Variants in SWT1 observed in about 807,000 individuals in gnomAD.
The protein encoded by SWT1 is SWT1 RNA endoribonuclease homolog.
Under a neutral mutation model 107.3 loss-of-function variants are expected in SWT1, and 33 were observed. That is an observed-to-expected ratio of 0.31 (90% CI 0.23 to 0.41). The LOEUF (loss-of-function observed/expected upper bound fraction) is 0.41, where lower values mean the gene tolerates loss of function less well. Among genes scored for constraint, SWT1 ranks in the 10% least tolerant of loss-of-function variants. SWT1 has a pLI of 1.00. For missense variants in SWT1, 898 were observed against 1,028.9 expected (o/e 0.87, Z 1.74); for synonymous variants, 345 against 348.3 (o/e 0.99, Z 0.11).
intron 16 of SWT1, among the ~76,000 whole-genome samples, chr1:185,240,396 T>C (rs1163696562): frequency 2.0e-5 from 3 of 152,056 alleles, no homozygotes; most frequent in Non-Finnish European, 4.4e-5. Context: ...TTATTTTGAC[T>C]CATATTTGGG....
intron 16 of SWT1, among the ~76,000 whole-genome samples, chr1:185,233,999 C>T (rs1053195332): frequency 1.3e-5 from 2 of 152,212 alleles, no homozygotes; most frequent in African/African-American, 4.8e-5. Context: ...CCCCCTCAGC[C>T]TCCCAAAGTG....
At chr1:185,218,254 A>C (rs1467578701) in intron 14 of SWT1, among the ~76,000 whole-genome samples, 1 of 152,158 alleles carries the variant, frequency 6.6e-6, no homozygotes, top group African/African-American at 2.4e-5. Flanking sequence ...AGGAATATTC[A>C]TTATTTGATT....
chr1:185,275,856 T>C (rs185633997), intron 17 of SWT1, among the ~76,000 whole-genome samples: 2 of 152,278 alleles, frequency 1.3e-5, no homozygotes, highest in East Asian at 3.9e-4. Flanking sequence ...AGTAATTAAA[T>C]TAGGGGGTAT....
intron 15 of SWT1, chr1:185,226,893 G>A: frequency 7.2e-7 from 1 of 1,388,080 alleles, no homozygotes; most frequent in Non-Finnish European, 9.9e-7. Flanking sequence ...GGACATTTTG[G>A]GACAGTTCCA....
rs1203763986 is a variant in SWT1, at chr1:185,253,658, A to T, written c.2442-17665A>T. Reference sequence around the variant, plus strand: ...TCCTGAGACTTTGCTGAAGTTGCTTATCCGCTTAAGGAGATTTTCGGCTGA... The same window carrying T: ...TCCTGAGACTTTGCTGAAGTTGCTTTTCCGCTTAAGGAGATTTTCGGCTGA... On this transcript the variant is annotated intron_variant, in intron 16 of 18. Coordinates refer to ENST00000367500, the MANE Select transcript of SWT1 (RefSeq NM_017673.7). Among the ~76,000 whole-genome samples, 4 of 152,086 alleles carry T rather than the reference A, an allele frequency of 2.6e-5. No individual in the cohort carries two copies. The East Asian group carries it at 7.7e-4, about 29-fold the overall frequency.
In SWT1 at chr1:185,204,272, G is replaced by A. The variant is rs574759201; in HGVS notation, c.1670-428G>A. On this transcript the variant is annotated intron_variant, in intron 11 of 18. Coordinates refer to ENST00000367500, the MANE Select transcript of SWT1 (RefSeq NM_017673.7). The stretch of plus-strand genomic sequence containing the variant: ...AGCCTGGGCAACAGAGCGAGACTCC[G>A]TCTCAAAAGAAAAAAAAAAAGAAAA... 4.0e-5 allele frequency among the ~76,000 whole-genome samples: 6 copies of A among 150,630 alleles called. No individual in the cohort carries two copies. In the South Asian group the frequency reaches 8.3e-4, roughly 21 times the overall value.
intron 4 of SWT1, 68 bp from the exon 5 acceptor site, chr1:185,174,304 A>T: frequency 7.9e-7 from 1 of 1,270,664 alleles, no homozygotes; most frequent in South Asian, 2.0e-5. Context: ...TGTTATTCTA[A>T]CTAAAATGAT....
intron 16 of SWT1, among the ~76,000 whole-genome samples, chr1:185,256,667 T>C (rs941551824): frequency 9.2e-4 from 138 of 149,328 alleles, no homozygotes; most frequent in African/African-American, 3.4e-3. Flanking sequence ...TTGGTTATTC[T>C]AGTTATACAT....
At chr1:185,271,016 A>T (rs1245172004) in intron 16 of SWT1, among the ~76,000 whole-genome samples, 3 of 152,214 alleles carry the variant, frequency 2.0e-5, no homozygotes, top group African/African-American at 7.2e-5. Flanking sequence ...CTTTTTGAGA[A>T]ATCTGTATTA....
At position 185,174,381 on chromosome 1, in the gene SWT1, A is replaced by G. The variant is rs1655355593; in HGVS notation, c.234A>G (p.Val78=). The G allele has an allele frequency of 6.5e-7, 1 of 1,545,832 alleles. No individual in the cohort carries two copies. The highest frequency in any genetic ancestry group is 2.2e-5 in the Admixed American group (1 of 44,960). Residue 78 remains valine, a synonymous_variant, in exon 5 of 19, where the codon GTA becomes GTG. Coordinates refer to ENST00000367500, the MANE Select transcript of SWT1 (RefSeq NM_017673.7). The part of the protein sequence containing the change: ...KRRQGLKRLS[V]EIDTLRRRPK... ...CTGTGCTGTTTTACAGATTGAGTGT[A>G]GAAATTGACACTCTCAGAAGGAGAC...
chr1:185,166,478 ATGT>A (rs1654577962), intron 2 of SWT1, 91 bp from the exon 3 acceptor site: 2 of 764,598 alleles, frequency 2.6e-6, no homozygotes, highest in Middle Eastern at 2.5e-4. Context: ...TTGAATGTAA[ATGT>A]TGATTTGTAA....
intron 10 of SWT1, among the ~76,000 whole-genome samples, chr1:185,191,139 C>A (rs1462665278): frequency 6.6e-6 from 1 of 152,064 alleles, no homozygotes; most frequent in Admixed American, 6.6e-5. Flanking sequence ...ATAATAATAT[C>A]ACCTGCCTCA....
intron 16 of SWT1, among the ~76,000 whole-genome samples, chr1:185,259,550 A>T (rs1662878620): frequency 6.6e-6 from 1 of 152,132 alleles, no homozygotes; most frequent in South Asian, 2.1e-4. Context: ...TTTTATGTTG[A>T]GATCAGTAAC....
At chr1:185,215,920 A>G (rs1659182472) in intron 14 of SWT1, among the ~76,000 whole-genome samples, 1 of 152,138 alleles carries the variant, frequency 6.6e-6, no homozygotes, top group South Asian at 2.1e-4. Flanking sequence ...CTATTACTAA[A>G]AGAGATATTA....
chr1:185,253,265 G>T (rs1435161708), intron 16 of SWT1, among the ~76,000 whole-genome samples: 49 of 150,284 alleles, frequency 3.3e-4, no homozygotes, highest in Non-Finnish European at 4.0e-4. Context: ...TGGCAATGCA[G>T]GCTCTTTTTT....
intron 11 of SWT1, 26 bp from the exon 12 acceptor site, chr1:185,204,674 A>G: frequency 7.0e-7 from 1 of 1,420,990 alleles, no homozygotes; most frequent in Non-Finnish European, 9.6e-7. Flanking sequence ...CATTCTAAAT[A>G]AAGTCTGTAA....
intron 10 of SWT1, among the ~76,000 whole-genome samples, chr1:185,201,642 C>CCTG (rs1442537382): frequency 6.6e-6 from 1 of 152,164 alleles, no homozygotes; most frequent in Non-Finnish European, 1.5e-5. Flanking sequence ...GCAGAAATCA[C>CCTG]CTGCTTTCTG....
chr1:185,241,490 A>C (rs2102609415), intron 16 of SWT1, among the ~76,000 whole-genome samples: 1 of 152,256 alleles, frequency 6.6e-6, no homozygotes, highest in African/African-American at 2.4e-5. Flanking sequence ...AGTAAGAAAA[A>C]ATAATACAAT....
intron 13 of SWT1, among the ~76,000 whole-genome samples, chr1:185,210,639 G>A (rs1236139808): frequency 6.6e-6 from 1 of 152,106 alleles, no homozygotes; most frequent in Non-Finnish European, 1.5e-5. Context: ...ACCAGCACAG[G>A]ACAAGGATGC....
Sources: allele counts gnomAD v4.1 joint callset (sites outside exome capture counted in the v4.1 genomes callset), GRCh38; gene constraint gnomAD v4.1.1; transcripts MANE v1.5; gene names NCBI Gene and HGNC (gene_info 2026-07-23, HGNC 2026-07-21).